Variants in TLN2 observed in about 807,000 individuals in gnomAD.
TLN2 encodes talin 2, also known as talin-2.
A neutral mutation model predicts 294.7 loss-of-function variants in TLN2; 118 were observed. That is an observed-to-expected ratio of 0.40 (90% CI 0.34 to 0.47). The LOEUF is 0.47. TLN2 is among the 20% of genes least tolerant of loss of function. TLN2 has a pLI of 0.84. For missense variants in TLN2, 3,083 were observed against 3,282.2 expected, an observed-to-expected ratio of 0.94 and a Z score of 1.48; for synonymous variants, 1,431 against 1,304.5, an observed-to-expected ratio of 1.10 and a Z score of -2.09.
At chr15:62,561,376 C>G (rs940235526) in intron 1 of TLN2, 1 of 152,264 alleles carries the variant, frequency 6.6e-6, no homozygotes, top group Non-Finnish European at 1.5e-5. Context: ...TTCATTTCCT[C>G]AAGCTCCCTC....
chr15:62,743,735 T>C (rs1040164364), intron 32 of TLN2, among the ~76,000 whole-genome samples: 2 of 152,146 alleles, frequency 1.3e-5, no homozygotes, highest in African/African-American at 4.8e-5. Context: ...GGGGGTATCC[T>C]ACCTCTGAAC....
At position 62,403,682 on chromosome 15, in the gene TLN2, A is replaced by G. The variant is rs1017589072; in HGVS notation, c.-238+12997A>G. On this transcript the variant is annotated intron_variant, in intron 1 of 58. Coordinates refer to ENST00000636159, the MANE Select transcript of TLN2 (RefSeq NM_015059.3). Reference sequence around the variant, plus strand: ...CCCTTCCACTGGCTTCCATGTCACAATCTGGTTCTCCTACCCCCGGCTTCT... The same window carrying G: ...CCCTTCCACTGGCTTCCATGTCACAGTCTGGTTCTCCTACCCCCGGCTTCT... Among the ~76,000 whole-genome samples, 4 of 152,170 alleles carry G rather than the reference A, an allele frequency of 2.6e-5. No homozygotes were observed. The South Asian group carries it at 6.3e-4, about 24-fold the overall frequency.
At chr15:62,484,079 G>T (rs1230046145) in intron 1 of TLN2, among the ~76,000 whole-genome samples, 3 of 152,304 alleles carry the variant, frequency 2.0e-5, no homozygotes, top group Non-Finnish European at 2.9e-5. Flanking sequence ...TGCTGCTTGG[G>T]CCTGCAGTGC....
At position 62,736,882 on chromosome 15, in the gene TLN2, G is replaced by A. The variant is rs2061046909; in HGVS notation, c.3363G>A (p.Val1121=). 1 of 1,613,148 alleles carries A rather than the reference G, an allele frequency of 6.2e-7. No homozygotes were observed. The part of the protein sequence containing the change: ...AAQGNEHYTG[V]AARETAQALK... ...CTGATGGACTTTTTCCCCCAGGGGT[G>A]GCTGCTAGAGAGACGGCCCAAGCTC... The change falls in exon 29 of 59, where the codon GTG becomes GTA. Residue 1121 remains valine, a synonymous_variant. Coordinates refer to ENST00000636159, the MANE Select transcript of TLN2 (RefSeq NM_015059.3).
chr15:62,714,102 C>G (rs2059610992), intron 22 of TLN2, among the ~76,000 whole-genome samples: 1 of 150,616 alleles, frequency 6.6e-6, no homozygotes, highest in African/African-American at 2.4e-5. Flanking sequence ...CTAGTCCGTT[C>G]CTTATTTTAC....
At chr15:62,631,196 T>G (rs888477136) in intron 3 of TLN2, among the ~76,000 whole-genome samples, 4 of 152,030 alleles carry the variant, frequency 2.6e-5, no homozygotes, top group African/African-American at 9.7e-5. Context: ...CTCTCCTTTC[T>G]GCCTCCTCTC....
At chr15:62,484,277 AT>A (rs1223928816) in intron 1 of TLN2, among the ~76,000 whole-genome samples, 1 of 152,130 alleles carries the variant, frequency 6.6e-6, no homozygotes, top group East Asian at 1.9e-4. Flanking sequence ...AACTGAGCAA[AT>A]TTTATTACTA....
intron 3 of TLN2, among the ~76,000 whole-genome samples, chr15:62,631,679 CTCTT>C (rs1333486051): frequency 5.4e-5 from 8 of 148,562 alleles, no homozygotes; most frequent in East Asian, 4.0e-4. Context: ...CTTTCCTCCT[CTCTT>C]TCTGTCTTTC....
intron 1 of TLN2, among the ~76,000 whole-genome samples, chr15:62,572,891 G>A (rs976018946): frequency 6.6e-6 from 1 of 152,146 alleles, no homozygotes; most frequent in African/African-American, 2.4e-5. Context: ...CGCTCTTCCT[G>A]TCTTGCCCCC....
intron 1 of TLN2, among the ~76,000 whole-genome samples, chr15:62,434,792 G>A (rs994467413): frequency 6.6e-6 from 1 of 152,150 alleles, no homozygotes; most frequent in African/African-American, 2.4e-5. Flanking sequence ...TTAAGTTCAG[G>A]GGAACATGTG....
chr15:62,570,526 C>CTCTT (rs967970858), intron 1 of TLN2, among the ~76,000 whole-genome samples: 4 of 152,280 alleles, frequency 2.6e-5, no homozygotes, highest in Non-Finnish European at 5.9e-5. Flanking sequence ...GTCCGTCTTT[C>CTCTT]TCTTTCTTTC....
chr15:62,411,429 A>ATG (rs71125998), intron 1 of TLN2, among the ~76,000 whole-genome samples: 13,073 of 136,504 alleles, frequency 0.096, 693 homozygotes, highest in Middle Eastern at 0.16. Flanking sequence ...TGAGTAATGG[A>ATG]TGTGTGTGTG....
At chr15:62,516,614 C>T (rs1434994326) in intron 1 of TLN2, among the ~76,000 whole-genome samples, 1 of 152,190 alleles carries the variant, frequency 6.6e-6, no homozygotes, top group Non-Finnish European at 1.5e-5. Context: ...CAGCCTTGAT[C>T]CGCCTCTTGT....
chr15:62,473,885 G>A (rs2037632410), intron 1 of TLN2, among the ~76,000 whole-genome samples: 1 of 152,226 alleles, frequency 6.6e-6, no homozygotes, highest in Admixed American at 6.5e-5. Flanking sequence ...CCTGAGGTCA[G>A]GAGTTCGAGA....
intron 54 of TLN2, among the ~76,000 whole-genome samples, chr15:62,822,457 G>T (rs1028424006): frequency 6.6e-6 from 1 of 152,234 alleles, no homozygotes; most frequent in African/African-American, 2.4e-5. Context: ...GCAGTCTTCT[G>T]GGTACTTTAT....
intron 2 of TLN2, among the ~76,000 whole-genome samples, chr15:62,602,003 C>A (rs575058508): frequency 1.1e-4 from 16 of 152,210 alleles, no homozygotes; most frequent in African/African-American, 3.9e-4. Flanking sequence ...GATTGTCTTA[C>A]CCATTTCTTG....
At chr15:62,401,228 C>T (rs1402938915) in intron 1 of TLN2, among the ~76,000 whole-genome samples, 1 of 152,146 alleles carries the variant, frequency 6.6e-6, no homozygotes, top group African/African-American at 2.4e-5. Flanking sequence ...TCACTGATCT[C>T]CTAGTTCTAA....
At chr15:62,826,181 T>C (rs1420588846) in intron 54 of TLN2, among the ~76,000 whole-genome samples, 1 of 151,976 alleles carries the variant, frequency 6.6e-6, no homozygotes, top group Admixed American at 6.6e-5. Flanking sequence ...ATCTTTTGTC[T>C]GTGCTTTCTA....
chr15:62,543,172 A>G (rs1327415980), intron 1 of TLN2, among the ~76,000 whole-genome samples: 1 of 152,168 alleles, frequency 6.6e-6, no homozygotes, highest in Non-Finnish European at 1.5e-5. Context: ...TCCCCATAGC[A>G]GTGTTTAATA....
Sources: allele counts gnomAD v4.1 joint callset (sites outside exome capture counted in the v4.1 genomes callset), GRCh38; gene constraint gnomAD v4.1.1; transcripts MANE v1.5; gene names NCBI Gene and HGNC (gene_info 2026-07-23, HGNC 2026-07-21).